Variants in ENTPD3 observed in about 807,000 individuals in gnomAD.
ENTPD3 encodes ectonucleoside triphosphate diphosphohydrolase 3, also known as CD39 antigen-like 3.
A neutral mutation model predicts 51.2 loss-of-function variants in ENTPD3; 60 were observed. The ratio of observed to expected loss-of-function variants is 1.17; its 90% CI spans 0.95 to 1.45. The LOEUF (loss-of-function observed/expected upper bound fraction) is 1.45. Ranked by LOEUF, ENTPD3 falls within the 40% of genes most tolerant of loss-of-function variation. The pLI is 0.00. For missense variants in ENTPD3, 593 were observed against 641.1 expected (o/e 0.93, Z 0.81); for synonymous variants, 221 against 238.4 (o/e 0.93, Z 0.67).
intron 10 of ENTPD3, among the ~76,000 whole-genome samples, chr3:40,425,177 G>C (rs1209599017): frequency 6.6e-6 from 1 of 152,150 alleles, no homozygotes; most frequent in South Asian, 2.1e-4. Flanking sequence ...CAGCGCTTTG[G>C]GAGGCCGAGG....
At chr3:40,395,399 G>A (rs914318444) in intron 3 of ENTPD3, among the ~76,000 whole-genome samples, 2 of 152,194 alleles carry the variant, frequency 1.3e-5, no homozygotes, top group African/African-American at 4.8e-5. Flanking sequence ...CATGTTGAAT[G>A]CTACTGTCTT....
intron 4 of ENTPD3, among the ~76,000 whole-genome samples, chr3:40,405,885 GGTTTGAAAGTCTCATT>G (rs1181123124): frequency 2.0e-5 from 3 of 152,122 alleles, no homozygotes; most frequent in Non-Finnish European, 2.9e-5. Flanking sequence ...GATGTATAGT[GGTTTGAAAGTCTCATT>G]GATTGATTGA....
At chr3:40,424,189 T>C (rs1425983205) in intron 10 of ENTPD3, 2 of 985,146 alleles carry the variant, frequency 2.0e-6, no homozygotes, top group Non-Finnish European at 2.4e-6. Context: ...CAAGGGCCAA[T>C]GGACTAGGCG....
intron 4 of ENTPD3, among the ~76,000 whole-genome samples, chr3:40,406,112 G>GA (rs1312304420): frequency 2.0e-5 from 3 of 152,312 alleles, no homozygotes; most frequent in Non-Finnish European, 4.4e-5. Flanking sequence ...GGCAGGGCAG[G>GA]AAAAAGAGAG....
At position 40,388,083 on chromosome 3, in the gene ENTPD3, C is replaced by T; in HGVS notation, c.26C>T (p.Pro9Leu). 2 of 1,614,142 alleles carry T rather than the reference C, an allele frequency of 1.2e-6. No homozygotes were observed. The highest frequency in any genetic ancestry group is 2.2e-5 in the South Asian group (2 of 91,070). ...ATGTTCACTGTGCTGACCCGCCAAC[C>T]ATGTGAGCAAGCAGGTTAGTATCTC... Reference protein sequence around the residue: MFTVLTRQPCEQAGLKALY... With the variant: MFTVLTRQLCEQAGLKALY... The change falls in exon 2 of 11, where the codon CCA becomes CTA. Residue 9 changes from proline to leucine, a missense_variant. Pro to Leu is a moderately conservative substitution (Grantham distance 98). Transcript: ENST00000301825.
intron 3 of ENTPD3, among the ~76,000 whole-genome samples, chr3:40,395,332 T>C (rs976371590): frequency 6.6e-6 from 1 of 151,844 alleles, no homozygotes; most frequent in Admixed American, 6.6e-5. Context: ...GTAAAATGAG[T>C]AGATAAAAAT....
At chr3:40,416,258 GT>G (rs1321444752) in intron 7 of ENTPD3, among the ~76,000 whole-genome samples, 185 bp downstream of exon 7, 2 of 152,020 alleles carry the variant, frequency 1.3e-5, no homozygotes, top group African/African-American at 4.8e-5. Context: ...CTTCCCCTCC[GT>G]CTCCCTCTCA....
At chr3:40,394,716 G>C (rs1559507971) in intron 3 of ENTPD3, among the ~76,000 whole-genome samples, 1 of 152,186 alleles carries the variant, frequency 6.6e-6, no homozygotes, top group South Asian at 2.1e-4. Flanking sequence ...ATTGGCCTCA[G>C]ATAAGAGAAC....
chr3:40,425,184 G>A (rs981637806), intron 10 of ENTPD3, among the ~76,000 whole-genome samples: 1 of 152,218 alleles, frequency 6.6e-6, no homozygotes, highest in Non-Finnish European at 1.5e-5. Context: ...TTGGGAGGCC[G>A]AGGCAGGCGG....
intron 5 of ENTPD3, 98 bp downstream of exon 5, chr3:40,412,060 T>A (rs1246354453): frequency 1.8e-5 from 22 of 1,209,018 alleles, no homozygotes; most frequent in Non-Finnish European, 2.2e-5. Context: ...GGAACAACCC[T>A]CGCCCCCCAA....
chr3:40,409,243 A>C (rs1449113394), intron 4 of ENTPD3, among the ~76,000 whole-genome samples: 1 of 152,060 alleles, frequency 6.6e-6, no homozygotes, highest in Admixed American at 6.6e-5. Context: ...CAAGAGCAAA[A>C]ACTCCGTCTA....
At chr3:40,420,248 T>C (rs1214655579) in intron 7 of ENTPD3, among the ~76,000 whole-genome samples, 1 of 145,736 alleles carries the variant, frequency 6.9e-6, no homozygotes, top group African/African-American at 2.4e-5. Flanking sequence ...TTTCTTTTTT[T>C]TTTTGGAGAT....
At chr3:40,409,465 G>T (rs1318603074) in intron 4 of ENTPD3, among the ~76,000 whole-genome samples, 1 of 152,108 alleles carries the variant, frequency 6.6e-6, no homozygotes, top group Non-Finnish European at 1.5e-5. Context: ...TCTGTCCTTG[G>T]CCAAGGTTGA....
chr3:40,393,610 T>C (rs1420473854), intron 3 of ENTPD3, among the ~76,000 whole-genome samples: 1 of 152,040 alleles, frequency 6.6e-6, no homozygotes, highest in African/African-American at 2.4e-5. Context: ...ATAGGATATT[T>C]TATTTAAGAA....
intron 2 of ENTPD3, chr3:40,391,633 G>A (rs111735915): frequency 0.023 from 4,340 of 187,968 alleles, 185 homozygotes; most frequent in African/African-American, 0.099. Flanking sequence ...CCAAGATCAC[G>A]GCACAGCACT....
chr3:40,426,104 TTTC>T (rs1955977578), intron 10 of ENTPD3, among the ~76,000 whole-genome samples: 3 of 122,946 alleles, frequency 2.4e-5, no homozygotes, highest in South Asian at 2.5e-4. Context: ...TTCTTTTTCT[TTTC>T]TTTTTTTTTT....
rs527469814 is a variant in ENTPD3 at position 40,398,241 on chromosome 3, C to T, written c.169-2653C>T. Among the ~76,000 whole-genome samples the T allele has an allele frequency of 2.6e-5, 4 of 152,250 alleles. No individual in the cohort carries two copies. The South Asian group carries it at 8.3e-4, about 32-fold the overall frequency. On this transcript the variant is annotated intron_variant, in intron 3 of 10. Coordinates refer to ENST00000301825, the MANE Select transcript of ENTPD3 (RefSeq NM_001248.4). ...TGGATACTCTTCTCTCTGATCTTGG[C>T]CCAGCAGCCCTGAGCTTCAGAAACA...
chr3:40,387,977 G>C, intron 1 of ENTPD3, 69 bp from the exon 2 acceptor site: 1 of 1,317,088 alleles, frequency 7.6e-7, no homozygotes, highest in Non-Finnish European at 1.1e-6. Flanking sequence ...TCTTAACCTG[G>C]GCTCGTTCTT....
rs1406094683 is a variant in ENTPD3, at chr3:40,414,679, A to G, written c.438-2A>G. 3.7e-6 allele frequency: 6 copies of G among 1,613,916 alleles called. No homozygotes were observed. The African/African-American group carries it at 6.7e-5, about 18-fold the overall frequency. ...GACTTGTTTGTTCTGTGCCTTGTAC[A>G]GGTTGCAAAATGAAACAGCAGCTAA... On this transcript the variant is annotated splice_acceptor_variant, in intron 5 of 10. Transcript: ENST00000301825. LOFTEE classifies it high-confidence loss of function.
Sources: gnomAD v4.1 joint callset for allele counts (sites outside exome capture counted in the v4.1 genomes callset) on GRCh38, gnomAD v4.1.1 for gene constraint, MANE v1.5 for transcripts, NCBI Gene and HGNC (gene_info 2026-07-23, HGNC 2026-07-21) for gene names.